GATB: variants seen among roughly 807,000 people sequenced by gnomAD.
GATB encodes glutamyl-tRNA(Gln) amidotransferase subunit B, mitochondrial.
In GATB, 39 loss-of-function variants were observed where a neutral mutation model predicts 62.3. That is an observed-to-expected ratio of 0.63 (90% CI 0.48 to 0.82). The LOEUF (loss-of-function observed/expected upper bound fraction) is 0.82, where lower values mean the gene tolerates loss of function less well. Ranked by LOEUF, GATB falls within the 40% of genes least tolerant of loss-of-function variation. The probability of loss-of-function intolerance (pLI) is 0.00; values close to 1 mark genes in which losing one functional copy is unlikely to be tolerated. For missense variants in GATB, 670 were observed against 684.0 expected, an observed-to-expected ratio of 0.98 and a Z score of 0.23; for synonymous variants, 276 against 258.9, an observed-to-expected ratio of 1.07 and a Z score of -0.63.
Position 151,730,282 on chromosome 4 carries a change from G to A in GATB, c.328-10744C>T, listed in dbSNP as rs2126985452. ...GCAGCCGCAGCAAGACCCGCCCAAGGAGAGTCTGAGCTCAGACATGCCTAG... is the reference window on the plus strand; with the variant it reads ...GCAGCCGCAGCAAGACCCGCCCAAGAAGAGTCTGAGCTCAGACATGCCTAG... On this transcript the variant is annotated intron_variant, in intron 2 of 12. Transcript: ENST00000263985. This position sits in a 1 kb window ranked among gnomAD's most constrained non-coding sequence, Gnocchi z 4.1. Among the ~76,000 whole-genome samples, 1 of 152,246 alleles carries A rather than the reference G, an allele frequency of 6.6e-6. No homozygotes were observed. Among genetic ancestry groups the A allele is most frequent in the East Asian group, 1.9e-4 (1 of 5,182 alleles).
In GATB at chr4:151,758,641, G is replaced by A. The variant is rs368075727; in HGVS notation, c.327+131C>T. 1.3e-5 allele frequency: 9 copies of A among 715,438 alleles called. No homozygotes were observed. In the East Asian group the frequency reaches 1.7e-4, roughly 14 times the overall value. 44.3% of individuals were successfully genotyped at this position (715,438 alleles called of 1,614,324 possible). A position where few individuals can be genotyped will look rare whatever the true frequency, so the allele number is the denominator to read the frequency against. ...CTTCAGAAAACATTTAATATATCCC[G>A]CTTCACCCAAAACTCCCTAAATAAG... On this transcript the variant is annotated intron_variant, in intron 2 of 12. Transcript: ENST00000263985.
chr4:151,699,282 G>A (rs570105767), intron 9 of GATB, among the ~76,000 whole-genome samples: 17 of 151,918 alleles, frequency 1.1e-4, no homozygotes, highest in Admixed American at 2.6e-4. Context: ...CCAGCTACTC[G>A]GGAGGCTGAG....
At position 151,670,821 on chromosome 4, in the gene GATB, G is replaced by A. The variant is rs1737839772; in HGVS notation, c.*353C>T. On this transcript the variant is annotated 3_prime_UTR_variant, in exon 13 of 13. Transcript: ENST00000263985. ...CTCAAAAATATTTGTTGAAGGAACT[G>A]CAGAATGAAAAGTTTTCTTAGAATG... is the stretch of plus-strand genomic sequence containing the variant. 2 of 189,602 alleles carry A rather than the reference G, an allele frequency of 1.1e-5. No individual in the cohort carries two copies. Among genetic ancestry groups the A allele is most frequent in the Non-Finnish European group, 2.2e-5 (2 of 91,330 alleles). 11.7% of individuals were successfully genotyped at this position (189,602 alleles called of 1,614,324 possible).
intron 2 of GATB, among the ~76,000 whole-genome samples, chr4:151,756,942 G>C (rs1739844721): frequency 6.6e-6 from 1 of 152,092 alleles, no homozygotes; most frequent in African/African-American, 2.4e-5. Flanking sequence ...GAAAAACCTA[G>C]GATGAACTCA....
At chr4:151,697,969 A>ATGTG (rs1391231189) in intron 9 of GATB, among the ~76,000 whole-genome samples, 31 of 102,438 alleles carry the variant, frequency 3.0e-4, no homozygotes, top group African/African-American at 8.5e-4. Flanking sequence ...ATATATATAT[A>ATGTG]TATATATATA....
At position 151,671,224 on chromosome 4, in the gene GATB, C is replaced by CTCGGCTTTGAG. The variant is rs1372421188; in HGVS notation, c.1613_1623dup (p.Ala542LeufsTer9). On this transcript the variant is annotated frameshift_variant, in exon 13 of 13. Coordinates refer to ENST00000263985, the MANE Select transcript of GATB (RefSeq NM_004564.3). LOFTEE classifies it high-confidence loss of function. Reference sequence around the variant, plus strand: ...ATCTCCTTTATCATGACTGGATCTGCTCGGCTTTGAGTCGCTTTCCGGACC... The same window carrying CTCGGCTTTGAG: ...ATCTCCTTTATCATGACTGGATCTGCTCGGCTTTGAGTCGGCTTTGAGTCGCTTTCCGGACC... 3 of 1,614,178 alleles carry CTCGGCTTTGAG rather than the reference C, an allele frequency of 1.9e-6. No homozygotes were observed. In the Admixed American group the frequency reaches 5.0e-5, roughly 27 times the overall value.
chr4:151,688,842 C>T (rs1189838659), intron 9 of GATB, 79 bp from the exon 10 acceptor site: 138 of 1,399,444 alleles, frequency 9.9e-5, no homozygotes, highest in Admixed American at 2.4e-5. Flanking sequence ...AAATCTGAAA[C>T]TGTCCCCTCT....
intron 2 of GATB, among the ~76,000 whole-genome samples, chr4:151,743,510 T>C (rs752283027): frequency 2.0e-5 from 3 of 152,252 alleles, no homozygotes; most frequent in Non-Finnish European, 2.9e-5. Context: ...TTTTTGGATG[T>C]ATACTCATAT....
chr4:151,756,370 T>C (rs1159491527), intron 2 of GATB, among the ~76,000 whole-genome samples: 2 of 152,220 alleles, frequency 1.3e-5, no homozygotes, highest in Admixed American at 1.3e-4. Context: ...CTAAAGGTTT[T>C]AGTGTATTTT....
intron 2 of GATB, among the ~76,000 whole-genome samples, chr4:151,736,993 T>C (rs1364863284): frequency 3.3e-5 from 5 of 152,200 alleles, no homozygotes; most frequent in African/African-American, 4.8e-5. Context: ...GGTATGTCTT[T>C]ATCAGCAGTG....
At chr4:151,748,168 A>G (rs1739640720) in intron 2 of GATB, among the ~76,000 whole-genome samples, 1 of 152,206 alleles carries the variant, frequency 6.6e-6, no homozygotes, top group African/African-American at 2.4e-5. Context: ...AACTACTTTA[A>G]AGTTCATATG....
chr4:151,675,181 C>A (rs1040739221), intron 11 of GATB: 1 of 152,104 alleles, frequency 6.6e-6, no homozygotes, highest in Non-Finnish European at 1.5e-5. Flanking sequence ...TGCCTTCAAA[C>A]GAAGAGGCTG....
At position 151,758,941 on chromosome 4, in the gene GATB, T is replaced by C. The variant is rs377573268; in HGVS notation, c.177-19A>G. ...GTGTTCACTAAGAAGAAAGAGATAATGGTTAAGATGTATTATATTTGTCAC... is the reference window on the plus strand; with the variant it reads ...GTGTTCACTAAGAAGAAAGAGATAACGGTTAAGATGTATTATATTTGTCAC... On this transcript the variant is annotated intron_variant, in intron 1 of 12. Coordinates refer to ENST00000263985, the MANE Select transcript of GATB (RefSeq NM_004564.3). The C allele has an allele frequency of 6.4e-6, 10 of 1,560,988 alleles. No homozygotes were observed. Among genetic ancestry groups the C allele is most frequent in the South Asian group, 1.2e-5 (1 of 82,298 alleles).
intron 10 of GATB, among the ~76,000 whole-genome samples, chr4:151,682,013 C>T (rs916095143): frequency 1.3e-5 from 2 of 152,050 alleles, no homozygotes; most frequent in African/African-American, 2.4e-5. Context: ...ACATTCAGAT[C>T]GCCGCAATGA....
chr4:151,749,223 C>T (rs958866574), intron 2 of GATB, among the ~76,000 whole-genome samples: 2 of 152,068 alleles, frequency 1.3e-5, no homozygotes, highest in South Asian at 2.1e-4. Context: ...ATGTTTATTG[C>T]GGCACTATTC....
chr4:151,714,086 A>G (rs1181643142), intron 5 of GATB, among the ~76,000 whole-genome samples: 1 of 152,208 alleles, frequency 6.6e-6, no homozygotes, highest in African/African-American at 2.4e-5. Context: ...TACACATTCA[A>G]CTTACCAAAC....
At chr4:151,700,598 T>G (rs1463606829) in intron 9 of GATB, among the ~76,000 whole-genome samples, 1 of 152,202 alleles carries the variant, frequency 6.6e-6, no homozygotes, top group Non-Finnish European at 1.5e-5. Flanking sequence ...AGGTGTGGCA[T>G]ATACTGATTC....
At position 151,670,852 on chromosome 4, in the gene GATB, C is replaced by G; in HGVS notation, c.*322G>C. On this transcript the variant is annotated 3_prime_UTR_variant, in exon 13 of 13. Coordinates refer to ENST00000263985, the MANE Select transcript of GATB (RefSeq NM_004564.3). ...TGAAAAGTTTTCTTAGAATGGGTAA[C>G]AGTATCTCCAACATACATTTTATTT... 4.3e-6 allele frequency: 1 copy of G among 231,570 alleles called. No individual in the cohort carries two copies. The highest frequency in any genetic ancestry group is 8.5e-6 in the Non-Finnish European group (1 of 118,308). The allele number at this position is 231,570 out of a possible 1,614,324, so 14.3% of individuals were successfully genotyped here.
intron 8 of GATB, among the ~76,000 whole-genome samples, chr4:151,702,332 CAAAAT>C (rs1369078375): frequency 3.9e-5 from 6 of 152,194 alleles, no homozygotes; most frequent in Non-Finnish European, 8.8e-5. Flanking sequence ...TTTGCCTAAA[CAAAAT>C]GTGACAGCTG....
Sources: allele counts gnomAD v4.1 joint callset (sites outside exome capture counted in the v4.1 genomes callset), GRCh38; gene constraint gnomAD v4.1.1; non-coding constraint Gnocchi (gnomAD v3.1); transcripts MANE v1.5; gene names NCBI Gene and HGNC (gene_info 2026-07-23, HGNC 2026-07-21).